The following CHRM2 variants were observed in gnomAD, a reference collection of about 807,000 sequenced individuals.
CHRM2 encodes the protein muscarinic acetylcholine receptor M2.
Under a neutral mutation model 25.0 loss-of-function variants are expected in CHRM2, and 8 were observed. That is an observed-to-expected ratio of 0.32 (90% CI 0.19 to 0.58). CHRM2 has a LOEUF of 0.58. Among genes scored for constraint, CHRM2 ranks in the 20% least tolerant of loss-of-function variants. The pLI is 0.88. For synonymous variants in CHRM2, 202 were observed against 205.7 expected, an observed-to-expected ratio of 0.98 and a Z score of 0.15; for missense variants, 440 against 567.1, an observed-to-expected ratio of 0.78 and a Z score of 2.28.
Position 136,963,393 on chromosome 7 carries a change from T to C in CHRM2, c.-124-28794T>C, listed in dbSNP as rs548204406. 1.6e-4 allele frequency among the ~76,000 whole-genome samples: 25 copies of C among 152,084 alleles called. 1 individual carries two copies. The highest frequency in any genetic ancestry group is 5.8e-4 in the African/African-American group (24 of 41,502). On this transcript the variant is annotated intron_variant, in intron 2 of 3. Coordinates refer to ENST00000680005, the MANE Select transcript of CHRM2 (RefSeq NM_001006630.2). ...TCTCTGCTCTTGAGGAACTTACAATTCAAGAAAATCAAAGCAGTAAAGCAC... is the reference window on the plus strand; with the variant it reads ...TCTCTGCTCTTGAGGAACTTACAATCCAAGAAAATCAAAGCAGTAAAGCAC...
chr7:136,884,263 C>T (rs1327665416), intron 2 of CHRM2, among the ~76,000 whole-genome samples: 1 of 152,066 alleles, frequency 6.6e-6, no homozygotes, highest in African/African-American at 2.4e-5. Flanking sequence ...TTCATAAGGT[C>T]ATTAGGAAAC....
At chr7:136,991,477 GT>G (rs1374355986) in intron 2 of CHRM2, among the ~76,000 whole-genome samples, 1 of 152,014 alleles carries the variant, frequency 6.6e-6, no homozygotes, top group Non-Finnish European at 1.5e-5. Context: ...TCTCTATTAT[GT>G]TCCCTTGATA....
intron 2 of CHRM2, among the ~76,000 whole-genome samples, chr7:136,956,991 G>A (rs1800762360): frequency 6.6e-6 from 1 of 152,180 alleles, no homozygotes; most frequent in South Asian, 2.1e-4. Context: ...CAAGAAAGCT[G>A]GCGGGACTCC....
chr7:136,911,697 C>T (rs985422888), intron 2 of CHRM2, among the ~76,000 whole-genome samples: 5 of 151,908 alleles, frequency 3.3e-5, no homozygotes, highest in Non-Finnish European at 7.4e-5. Flanking sequence ...TTTCCGTTTT[C>T]AAACCTGTTT....
At chr7:136,952,815 TA>T (rs1800493005) in intron 2 of CHRM2, among the ~76,000 whole-genome samples, 1 of 152,160 alleles carries the variant, frequency 6.6e-6, no homozygotes, top group African/African-American at 2.4e-5. Flanking sequence ...AGTAAGAACA[TA>T]AGGTATTTGG....
At chr7:136,887,317 T>C (rs1796505770) in intron 2 of CHRM2, among the ~76,000 whole-genome samples, 1 of 129,324 alleles carries the variant, frequency 7.7e-6, no homozygotes, top group South Asian at 2.9e-4. Context: ...AATGTATCCA[T>C]CACCTTATTC....
chr7:136,903,016 C>T (rs555238262), intron 2 of CHRM2: 39 of 471,910 alleles, frequency 8.3e-5, no homozygotes, highest in African/African-American at 5.1e-4. Flanking sequence ...TACATTATGG[C>T]CAGCAACTTT....
At chr7:136,996,144 T>G (rs556710506) in intron 3 of CHRM2, among the ~76,000 whole-genome samples, 1 of 152,012 alleles carries the variant, frequency 6.6e-6, no homozygotes, top group South Asian at 2.1e-4. Flanking sequence ...TTAGATCTTT[T>G]TATACCTTAT....
chr7:136,958,482 G>A (rs926692086), intron 2 of CHRM2, among the ~76,000 whole-genome samples: 8 of 90,908 alleles, frequency 8.8e-5, no homozygotes, highest in African/African-American at 1.3e-4. Flanking sequence ...CTGAGACAGC[G>A]TTTTATTCTG....
At chr7:136,921,687 T>C (rs1028042198) in intron 2 of CHRM2, among the ~76,000 whole-genome samples, 5 of 152,126 alleles carry the variant, frequency 3.3e-5, no homozygotes, top group African/African-American at 1.2e-4. Flanking sequence ...AAATCACCTT[T>C]TCTGGATAAA....
At chr7:136,923,883 G>A (rs1423412141) in intron 2 of CHRM2, among the ~76,000 whole-genome samples, 1 of 152,070 alleles carries the variant, frequency 6.6e-6, no homozygotes, top group Non-Finnish European at 1.5e-5. Flanking sequence ...GTGGCGGTGT[G>A]TGCCTATAGT....
chr7:137,007,147 G>A (rs889961584), intron 3 of CHRM2, among the ~76,000 whole-genome samples: 5 of 152,078 alleles, frequency 3.3e-5, no homozygotes, highest in African/African-American at 1.2e-4. Context: ...TTTCCAGGGA[G>A]CTTTCTGTAT....
chr7:136,974,300 G>T (rs1801974175), intron 2 of CHRM2, among the ~76,000 whole-genome samples: 1 of 152,116 alleles, frequency 6.6e-6, no homozygotes, highest in African/African-American at 2.4e-5. Flanking sequence ...CCTTCTATGT[G>T]CTGGATGCTG....
intron 2 of CHRM2, among the ~76,000 whole-genome samples, chr7:136,976,445 ATATTAT>A (rs952371448): frequency 1.3e-5 from 2 of 152,090 alleles, no homozygotes; most frequent in African/African-American, 2.4e-5. Flanking sequence ...GATGTATGTA[ATATTAT>A]TATTATTATA....
intron 2 of CHRM2, among the ~76,000 whole-genome samples, chr7:136,930,415 CG>C (rs1224970663): frequency 8.5e-5 from 13 of 152,160 alleles, no homozygotes; most frequent in Middle Eastern, 3.4e-3. Context: ...TGCAGATGCT[CG>C]GGTCCCAGAC....
intron 2 of CHRM2, among the ~76,000 whole-genome samples, chr7:136,959,423 G>A (rs1248306551): frequency 6.6e-6 from 1 of 152,182 alleles, no homozygotes; most frequent in Non-Finnish European, 1.5e-5. Flanking sequence ...TTCCGGTATT[G>A]TAGATCCATT....
At chr7:136,996,946 G>T (rs1375656802) in intron 3 of CHRM2, among the ~76,000 whole-genome samples, 1 of 152,124 alleles carries the variant, frequency 6.6e-6, no homozygotes, top group African/African-American at 2.4e-5. Flanking sequence ...TAAAAATCCA[G>T]ATTTTCAGTG....
At chr7:136,983,939 G>T (rs1383588921) in intron 2 of CHRM2, among the ~76,000 whole-genome samples, 1 of 152,194 alleles carries the variant, frequency 6.6e-6, no homozygotes, top group Non-Finnish European at 1.5e-5. Flanking sequence ...TGAGGAGGTA[G>T]TCTGTCCCTT....
intron 2 of CHRM2, among the ~76,000 whole-genome samples, chr7:136,950,295 G>C (rs1800329663): frequency 6.6e-6 from 1 of 152,128 alleles, no homozygotes; most frequent in Admixed American, 6.6e-5. Flanking sequence ...GTGGGTTCTG[G>C]GAGGCAAAAG....
Sources: allele counts gnomAD v4.1 joint callset (sites outside exome capture counted in the v4.1 genomes callset), GRCh38; gene constraint gnomAD v4.1.1; transcripts MANE v1.5; gene names NCBI Gene and HGNC (gene_info 2026-07-23, HGNC 2026-07-21).